MARCHF1: variants seen among roughly 807,000 people sequenced by gnomAD.
MARCHF1 encodes E3 ubiquitin-protein ligase MARCHF1.
A neutral mutation model predicts 54.2 loss-of-function variants in MARCHF1; 40 were observed. The observed-to-expected ratio is 0.74, with a 90% CI of 0.57 to 0.96. MARCHF1 has a LOEUF of 0.96. Ranked by LOEUF, MARCHF1 falls within the 40% of genes least tolerant of loss-of-function variation. The pLI is 0.00. For synonymous variants in MARCHF1, 236 were observed against 236.3 expected (o/e 1.00, Z 0.01); for missense variants, 586 against 656.5 (o/e 0.89, Z 1.17).
At chr4:164,039,103 C>A (rs539936834) in intron 2 of MARCHF1, among the ~76,000 whole-genome samples, 1 of 152,046 alleles carries the variant, frequency 6.6e-6, no homozygotes, top group Non-Finnish European at 1.5e-5. Flanking sequence ...CATGCACACA[C>A]GTGTGTAATA....
At chr4:164,013,418 A>G (rs1753468044) in intron 2 of MARCHF1, among the ~76,000 whole-genome samples, 1 of 152,188 alleles carries the variant, frequency 6.6e-6, no homozygotes, top group South Asian at 2.1e-4. Flanking sequence ...AATAGCCTCA[A>G]AAGGACAAAT....
chr4:163,935,201 G>A (rs1751767330), intron 3 of MARCHF1, among the ~76,000 whole-genome samples: 1 of 152,010 alleles, frequency 6.6e-6, no homozygotes, highest in Admixed American at 6.6e-5. Flanking sequence ...TTTTCTAAAT[G>A]GTAAATGAGC....
intron 3 of MARCHF1, among the ~76,000 whole-genome samples, chr4:163,944,714 T>C (rs1490460538): frequency 6.6e-6 from 1 of 152,210 alleles, no homozygotes; most frequent in Non-Finnish European, 1.5e-5. Flanking sequence ...AATAGAAATG[T>C]AACATTCTAA....
chr4:164,047,526 G>A (rs1008500763), intron 2 of MARCHF1, among the ~76,000 whole-genome samples: 14 of 152,156 alleles, frequency 9.2e-5, no homozygotes, highest in African/African-American at 4.8e-5. Flanking sequence ...GAAAGCCAAC[G>A]CAGTGACCTT....
chr4:163,956,282 A>G lies in MARCHF1; in HGVS notation c.-39+32219T>C, dbSNP rs545503619. On this transcript the variant is annotated intron_variant, in intron 3 of 9. Coordinates refer to ENST00000514618, the MANE Select transcript of MARCHF1 (RefSeq NM_001394959.1). ...TAAGTCATTTAGTCATTCAATAAATATTTACTGAAAATGTCTAACATATAG... is the reference window on the plus strand; with the variant it reads ...TAAGTCATTTAGTCATTCAATAAATGTTTACTGAAAATGTCTAACATATAG... Among the ~76,000 whole-genome samples, 3 of 152,292 alleles carry G rather than the reference A, an allele frequency of 2.0e-5. No individual in the cohort carries two copies. In the South Asian group the frequency reaches 6.2e-4, roughly 32 times the overall value.
intron 1 of MARCHF1, among the ~76,000 whole-genome samples, chr4:164,145,419 C>G (rs1183912058): frequency 6.6e-6 from 1 of 151,936 alleles, no homozygotes; most frequent in Non-Finnish European, 1.5e-5. Context: ...TGCAAAAATC[C>G]TCAGTATAAT....
chr4:163,771,807 C>T lies in MARCHF1; in HGVS notation c.112-70944G>A, dbSNP rs371750063. Among the ~76,000 whole-genome samples, 10 of 152,236 alleles carry T rather than the reference C, an allele frequency of 6.6e-5. No individual in the cohort carries two copies. In the East Asian group the frequency reaches 1.9e-3, roughly 29 times the overall value. On this transcript the variant is annotated intron_variant, in intron 4 of 9. Transcript: ENST00000514618. ...AATCAGCACCCAGGTTACTATTTTC[C>T]TCAGGTTACATTTTCCCCCTTTCAG...
intron 5 of MARCHF1, among the ~76,000 whole-genome samples, chr4:163,628,185 A>T (rs1741939972): frequency 6.6e-6 from 1 of 152,182 alleles, no homozygotes; most frequent in Non-Finnish European, 1.5e-5. Context: ...TATAGAAATA[A>T]CTCTTACACA....
At chr4:164,009,438 G>A (rs1037392083) in intron 2 of MARCHF1, among the ~76,000 whole-genome samples, 6 of 152,022 alleles carry the variant, frequency 3.9e-5, no homozygotes, top group South Asian at 2.1e-4. Flanking sequence ...TTCTAAGCTC[G>A]TCTCACAAGG....
chr4:164,081,157 G>A (rs1371272146), intron 2 of MARCHF1, among the ~76,000 whole-genome samples: 1 of 119,532 alleles, frequency 8.4e-6, no homozygotes. Flanking sequence ...GCAGTGAGCC[G>A]AGATCGCGCC....
At chr4:164,184,265 T>C (rs1213733703) in intron 1 of MARCHF1, among the ~76,000 whole-genome samples, 1 of 152,144 alleles carries the variant, frequency 6.6e-6, no homozygotes, top group Non-Finnish European at 1.5e-5. Flanking sequence ...ACTCACCCCA[T>C]TGATTATAGG....
chr4:163,802,002 G>A lies in MARCHF1; in HGVS notation c.111+52019C>T, dbSNP rs529131282. Among the ~76,000 whole-genome samples the A allele has an allele frequency of 7.2e-5, 11 of 152,040 alleles. 1 individual carries two copies. The Middle Eastern group carries it at 0.01, about 141-fold the overall frequency. ...TGTTTTTGATTAGACCTCTGATTCC[G>A]GAAATCTCACAGACTTACAGATTTG... On this transcript the variant is annotated intron_variant, in intron 4 of 9. Coordinates refer to ENST00000514618, the MANE Select transcript of MARCHF1 (RefSeq NM_001394959.1).
intron 3 of MARCHF1, among the ~76,000 whole-genome samples, chr4:163,957,153 T>C (rs1320413770): frequency 8.4e-6 from 1 of 119,692 alleles, no homozygotes; most frequent in Admixed American, 9.9e-5. Context: ...CAGCTGACAA[T>C]AATTTTTTCT....
At chr4:164,183,511 T>C (rs1730887464) in intron 1 of MARCHF1, among the ~76,000 whole-genome samples, 1 of 152,230 alleles carries the variant, frequency 6.6e-6, no homozygotes. Context: ...ATCAATCTTT[T>C]CTTTCAATTT....
At chr4:163,786,225 T>C (rs1747615233) in intron 4 of MARCHF1, among the ~76,000 whole-genome samples, 1 of 152,056 alleles carries the variant, frequency 6.6e-6, no homozygotes, top group South Asian at 2.1e-4. Context: ...AAGAGGAAAT[T>C]AATGCATTCA....
intron 4 of MARCHF1, among the ~76,000 whole-genome samples, chr4:163,761,025 T>A (rs1330502799): frequency 6.6e-6 from 1 of 152,136 alleles, no homozygotes; most frequent in East Asian, 1.9e-4. Context: ...CAAATAAGAA[T>A]ACACCCAATG....
chr4:164,300,602 A>G (rs1378131912), intron 1 of MARCHF1, among the ~76,000 whole-genome samples: 1 of 152,070 alleles, frequency 6.6e-6, no homozygotes, highest in Non-Finnish European at 1.5e-5. Flanking sequence ...GCTATAGGGG[A>G]GTGATCTCAG....
At chr4:163,927,356 C>G (rs911177733) in intron 3 of MARCHF1, among the ~76,000 whole-genome samples, 2 of 151,670 alleles carry the variant, frequency 1.3e-5, no homozygotes, top group Non-Finnish European at 3.0e-5. Flanking sequence ...TTGTAAGGAA[C>G]TGGCAAAAAC....
At chr4:164,294,625 G>A (rs1232811366) in intron 1 of MARCHF1, among the ~76,000 whole-genome samples, 1 of 151,610 alleles carries the variant, frequency 6.6e-6, no homozygotes, top group African/African-American at 2.4e-5. Flanking sequence ...GAATATTTTT[G>A]CCATATTCTT....
Sources: allele counts gnomAD v4.1 joint callset (sites outside exome capture counted in the v4.1 genomes callset), GRCh38; gene constraint gnomAD v4.1.1; transcripts MANE v1.5; gene names NCBI Gene and HGNC (gene_info 2026-07-23, HGNC 2026-07-21).